The following ZNF804B variants were observed in gnomAD, a reference collection of about 807,000 sequenced individuals.
ZNF804B encodes zinc finger 804B.
ZNF804B carries 80 observed loss-of-function variants against 101.4 expected under a neutral mutation model. That is an observed-to-expected ratio of 0.79 (90% CI 0.66 to 0.95). The LOEUF is 0.95. ZNF804B is among the 40% of genes least tolerant of loss of function. The pLI, the probability that ZNF804B is intolerant of heterozygous loss-of-function variation, is 0.00. For missense variants in ZNF804B, 1,673 were observed against 1,561.9 expected, an observed-to-expected ratio of 1.07 and a Z score of -1.20; for synonymous variants, 622 against 558.8, an observed-to-expected ratio of 1.11 and a Z score of -1.59.
At chr7:88,987,710 T>C (rs1793778463) in intron 1 of ZNF804B, among the ~76,000 whole-genome samples, 1 of 152,072 alleles carries the variant, frequency 6.6e-6, no homozygotes, top group Non-Finnish European at 1.5e-5. Context: ...TAAGCCTGGG[T>C]AATTGGGATA....
chr7:89,088,318 C>A (rs915612993), intron 1 of ZNF804B, among the ~76,000 whole-genome samples: 3 of 151,770 alleles, frequency 2.0e-5, no homozygotes, highest in Admixed American at 2.0e-4. Context: ...TTTATGAAAA[C>A]CTAGAAAACA....
At chr7:89,062,399 C>G (rs150284565) in intron 1 of ZNF804B, among the ~76,000 whole-genome samples, 1 of 152,098 alleles carries the variant, frequency 6.6e-6, no homozygotes, top group African/African-American at 2.4e-5. Context: ...GCAATATTGA[C>G]CTGACTTCTA....
chr7:88,946,401 A>G (rs1202687199), intron 1 of ZNF804B, among the ~76,000 whole-genome samples: 2 of 151,592 alleles, frequency 1.3e-5, no homozygotes, highest in East Asian at 3.9e-4. Flanking sequence ...ACATTTATTG[A>G]TTTGTGTATG....
rs1003933326 is a variant in ZNF804B, at chr7:89,037,111, A to C, written c.109-181044A>C. Among the ~76,000 whole-genome samples, 4 of 152,172 alleles carry C rather than the reference A, an allele frequency of 2.6e-5. No individual in the cohort carries two copies. The South Asian group carries it at 6.2e-4, about 24-fold the overall frequency. On this transcript the variant is annotated intron_variant, in intron 1 of 3. Transcript: ENST00000333190. ...AGAAAATGTAAGGGCAGATGTTATC[A>C]GTTAATCATTCTAACCAAAAAGAAA...
intron 1 of ZNF804B, among the ~76,000 whole-genome samples, chr7:88,926,543 G>A (rs1173745666): frequency 6.6e-6 from 1 of 151,984 alleles, no homozygotes; most frequent in African/African-American, 2.4e-5. Context: ...AGGCGGAGGA[G>A]GTTACACTGA....
intron 1 of ZNF804B, among the ~76,000 whole-genome samples, chr7:89,026,419 GT>G (rs1418266142): frequency 6.6e-6 from 1 of 152,098 alleles, no homozygotes; most frequent in East Asian, 1.9e-4. Flanking sequence ...GAAGAGCACA[GT>G]GAAGTGGCAT....
At chr7:89,216,989 A>C (rs1391611597) in intron 1 of ZNF804B, among the ~76,000 whole-genome samples, 2 of 152,348 alleles carry the variant, frequency 1.3e-5, no homozygotes, top group East Asian at 3.9e-4. Context: ...ATGAGGCATA[A>C]ATATATAAAC....
At chr7:89,219,434 A>G (rs17167542) in intron 2 of ZNF804B, among the ~76,000 whole-genome samples, 18,667 of 151,778 alleles carry the variant, frequency 0.12, 1,342 homozygotes, top group Middle Eastern at 0.25. Context: ...CCTAGGGGTA[A>G]TCACAGGTGA....
At chr7:89,315,811 G>A (rs895342111) in intron 2 of ZNF804B, among the ~76,000 whole-genome samples, 5 of 152,120 alleles carry the variant, frequency 3.3e-5, no homozygotes, top group Middle Eastern at 3.4e-3. Flanking sequence ...TTGATCCTGC[G>A]CTGGCAGAAT....
chr7:88,982,511 C>T (rs1455844563), intron 1 of ZNF804B, among the ~76,000 whole-genome samples: 1 of 152,086 alleles, frequency 6.6e-6, no homozygotes. Context: ...GGGCCTCTCT[C>T]TTTGGCATGC....
At chr7:88,854,527 T>TTTCCTTTCCTTTCCTTCCCC (rs1791519535) in intron 1 of ZNF804B, among the ~76,000 whole-genome samples, 3 of 40,074 alleles carry the variant, frequency 7.5e-5, no homozygotes, top group African/African-American at 3.1e-4. Context: ...CTTTCCTTCC[T>TTTCCTTTCCTTTCCTTCCCC]TTCCTTCCTT....
chr7:89,047,064 T>G (rs898707925), intron 1 of ZNF804B, among the ~76,000 whole-genome samples: 6 of 152,132 alleles, frequency 3.9e-5, no homozygotes, highest in Admixed American at 2.0e-4. Context: ...CTTTGAGGGT[T>G]TTAAAATTAT....
chr7:89,110,456 G>A (rs1033169864), intron 1 of ZNF804B, among the ~76,000 whole-genome samples: 2 of 152,192 alleles, frequency 1.3e-5, no homozygotes, highest in African/African-American at 4.8e-5. Flanking sequence ...TGTGGAAAAG[G>A]AATAATGTGG....
intron 1 of ZNF804B, among the ~76,000 whole-genome samples, chr7:88,816,322 G>T (rs930635867): frequency 3.9e-5 from 6 of 152,146 alleles, no homozygotes; most frequent in Non-Finnish European, 8.8e-5. Flanking sequence ...ATAGGCATGG[G>T]CAGGGACTTC....
At chr7:89,316,393 A>G (rs1214411526) in intron 2 of ZNF804B, among the ~76,000 whole-genome samples, 1 of 152,142 alleles carries the variant, frequency 6.6e-6, no homozygotes, top group Non-Finnish European at 1.5e-5. Flanking sequence ...TTGTGGACCA[A>G]TGTAAAAGGG....
intron 2 of ZNF804B, among the ~76,000 whole-genome samples, chr7:89,296,616 G>A (rs894978259): frequency 1.4e-4 from 22 of 151,964 alleles, no homozygotes; most frequent in Non-Finnish European, 3.2e-4. Flanking sequence ...AGATCTCAGC[G>A]TCCTAAACCA....
At chr7:89,271,946 A>G (rs1160202924) in intron 2 of ZNF804B, among the ~76,000 whole-genome samples, 2 of 151,926 alleles carry the variant, frequency 1.3e-5, no homozygotes, top group East Asian at 3.9e-4. Context: ...TTATTTTTCT[A>G]CATGAAAAAA....
intron 1 of ZNF804B, among the ~76,000 whole-genome samples, chr7:88,777,180 T>C (rs1790154902): frequency 6.6e-6 from 1 of 152,184 alleles, no homozygotes; most frequent in South Asian, 2.1e-4. Context: ...GGTGAGCGAC[T>C]GGTGCCTACA....
chr7:89,004,050 A>G (rs1294828508), intron 1 of ZNF804B, among the ~76,000 whole-genome samples: 1 of 116,332 alleles, frequency 8.6e-6, no homozygotes, highest in Admixed American at 9.1e-5. Flanking sequence ...GTGATCCTGA[A>G]TGAGCAAAAA....
Sources: gnomAD v4.1 joint callset for allele counts (sites outside exome capture counted in the v4.1 genomes callset) on GRCh38, gnomAD v4.1.1 for gene constraint, MANE v1.5 for transcripts, NCBI Gene and HGNC (gene_info 2026-07-23, HGNC 2026-07-21) for gene names.